Variants in FAM83G observed in about 807,000 individuals in gnomAD.
The protein encoded by FAM83G is protein FAM83G.
In FAM83G, 38 loss-of-function variants were observed where a neutral mutation model predicts 61.5. The ratio of observed to expected loss-of-function variants is 0.62; its 90% CI spans 0.48 to 0.81. The LOEUF is 0.81. Ranked by LOEUF, FAM83G falls within the 30% of genes least tolerant of loss-of-function variation. The pLI is 0.00. For missense variants in FAM83G, 989 were observed against 1,133.6 expected (o/e 0.87, Z 1.83); for synonymous variants, 470 against 476.1 (o/e 0.99, Z 0.17).
rs984259773 is a variant in FAM83G, at chr17:19,000,130, A to G, written c.522+3390T>C. On this transcript the variant is annotated intron_variant, in intron 2 of 5. Transcript: ENST00000388995. This position sits in a 1 kb window ranked among gnomAD's most constrained non-coding sequence, Gnocchi z 5.2. ...CTCTGGTATGTAGTTGGAACCCCAC[A>G]GCAGGTTTTTTCCCAGATAAATCAT... Among the ~76,000 whole-genome samples the G allele has an allele frequency of 6.6e-6, 1 of 152,212 alleles. No individual in the cohort carries two copies. The highest frequency in any genetic ancestry group is 1.5e-5 in the Non-Finnish European group (1 of 68,024).
rs376786995 is a variant in FAM83G, at chr17:18,978,736, C to T, written c.930G>A (p.Val310=). The change falls in exon 5 of 6, where the codon GTG becomes GTA. Residue 310 remains valine (V), a synonymous_variant. Coordinates refer to ENST00000388995, the MANE Select transcript of FAM83G (RefSeq NM_001039999.3). ...TCTCCATAGGGATGCCCTTGAGGCT[C>T]ACACTGTGTGACATGAGGTACAGCT... ...FQELYLMSHS[V]SLKGIPMEKE... The T allele has an allele frequency of 1.2e-6, 2 of 1,612,980 alleles. No individual in the cohort carries two copies. The highest frequency in any genetic ancestry group is 1.7e-6 in the Non-Finnish European group (2 of 1,180,006).
rs1597897286 is a variant in FAM83G at position 19,004,211 on chromosome 17, G to T, written c.-128-42C>A. 3.4e-6 allele frequency: 2 copies of T among 590,638 alleles called. No individual in the cohort carries two copies. Among genetic ancestry groups the T allele is most frequent in the East Asian group, 3.2e-5 (1 of 30,798 alleles). 36.6% of individuals were successfully genotyped at this position (590,638 alleles called of 1,614,324 possible). A position where few individuals can be genotyped will look rare whatever the true frequency, so the allele number is the denominator to read the frequency against. On this transcript the variant is annotated intron_variant, in intron 1 of 5. Transcript: ENST00000388995. This position sits in a 1 kb window ranked among gnomAD's most constrained non-coding sequence, Gnocchi z 5.4. ...ATGAGCCCGGCTCGGCGGGGAGGGC[G>T]GGCCGCGCGGGGAGGGGCGGCGGGG...
chr17:19,003,232 G>A lies in FAM83G; in HGVS notation c.522+288C>T, dbSNP rs2043777278. On this transcript the variant is annotated intron_variant, in intron 2 of 5. Transcript: ENST00000388995. The surrounding 1 kb of genome is among the most constrained non-coding windows in gnomAD (Gnocchi z 4.5). ...TCCCCTCCCCACTCCACCCTATCTCGGTGCCTTCTTCTGGGGAACCAGAAA... is the reference window on the plus strand; with the variant it reads ...TCCCCTCCCCACTCCACCCTATCTCAGTGCCTTCTTCTGGGGAACCAGAAA... 6.6e-6 allele frequency among the ~76,000 whole-genome samples: 1 copy of A among 150,938 alleles called. No homozygotes were observed. The highest frequency in any genetic ancestry group is 1.5e-5 in the Non-Finnish European group (1 of 67,688).
In FAM83G at chr17:19,003,816, G is replaced by C; in HGVS notation, c.226C>G (p.Pro76Ala). The C allele has an allele frequency of 6.2e-7, 1 of 1,612,892 alleles. No individual in the cohort carries two copies. Among genetic ancestry groups the C allele is most frequent in the Admixed American group, 1.7e-5 (1 of 60,022 alleles). The stretch of plus-strand genomic sequence containing the variant: ...GTGCCCCGAGGGTCCTCAGAGCCCG[G>C]GTCGTACACCTCGATGGTCTCCAGG... Reference protein sequence around the residue: ...RILETIEVYDPGSEDPRGTGP... With the variant: ...RILETIEVYDAGSEDPRGTGP... The change falls in exon 2 of 6, where the codon CCG (proline) becomes GCG (alanine). Residue 76 changes from proline (P) to alanine (A), a missense_variant. Physicochemically the swap from Pro to Ala is conservative, Grantham distance 27. This residue lies in a region of FAM83G where 371 missense variants were observed against 404.5 expected (regional missense o/e 0.92). Coordinates refer to ENST00000388995, the MANE Select transcript of FAM83G (RefSeq NM_001039999.3). The surrounding 1 kb of genome is among the most constrained non-coding windows in gnomAD (Gnocchi z 4.5).
chr17:18,991,131 C>T (rs1382829087), intron 2 of FAM83G, among the ~76,000 whole-genome samples: 1 of 152,248 alleles, frequency 6.6e-6, no homozygotes, highest in African/African-American at 2.4e-5. Flanking sequence ...AGGCATTCGC[C>T]ACCTTGCCTA....
chr17:18,979,231 G>T lies in FAM83G; in HGVS notation c.815+318C>A. ...GCAGCGCCCACCCCATGCCCCATGT[G>T]GTGGTGCCCACAGAGCTGGCCCCAT... On this transcript the variant is annotated intron_variant, in intron 4 of 5. Coordinates refer to ENST00000388995, the MANE Select transcript of FAM83G (RefSeq NM_001039999.3). The T allele has an allele frequency of 8.5e-6, 4 of 471,900 alleles. No homozygotes were observed. In the South Asian group the frequency reaches 1.0e-4, roughly 12 times the overall value. 29.2% of individuals were successfully genotyped at this position (471,900 alleles called of 1,614,324 possible). A position where few individuals can be genotyped will look rare whatever the true frequency, so the allele number is the denominator to read the frequency against.
At chr17:18,973,210 A>G (rs548327931) in intron 5 of FAM83G, among the ~76,000 whole-genome samples, 31 of 152,350 alleles carry the variant, frequency 2.0e-4, no homozygotes, top group African/African-American at 6.2e-4. Context: ...CCTCCTCCCA[A>G]TGCAGCATGG....
At chr17:18,982,065 A>C (rs1567793921) in intron 3 of FAM83G, among the ~76,000 whole-genome samples, 1 of 151,984 alleles carries the variant, frequency 6.6e-6, no homozygotes. Context: ...CCCATCCCAA[A>C]CCTTGTCCTG....
Position 18,977,787 on chromosome 17 carries a change from C to T in FAM83G, c.1879G>A (p.Val627Ile). 1 of 1,602,462 alleles carries T rather than the reference C, an allele frequency of 6.2e-7. No homozygotes were observed. The highest frequency in any genetic ancestry group is 8.5e-7 in the Non-Finnish European group (1 of 1,173,936). The part of the protein sequence containing the change: ...EEYFEVREHS[V>I]PLRRRHSEQV... The stretch of plus-strand genomic sequence containing the variant: ...TCTGAGTGGCGCCTCCGGAGAGGGA[C>T]TGAGTGCTCTCTCACCTCGAAGTAC... Residue 627 changes from valine (V) to isoleucine (I), a missense_variant, in exon 5 of 6, where the codon GTC becomes ATC. Around this residue, in one of 3 missense-constraint regions of FAM83G, gnomAD observed 574 missense variants for 645.1 expected, o/e 0.89. Transcript: ENST00000388995.
rs1597895029 is a variant in FAM83G, at chr17:19,003,470, G to T, written c.522+50C>A. The T allele has an allele frequency of 6.7e-7, 1 of 1,498,816 alleles. No individual in the cohort carries two copies. Among genetic ancestry groups the T allele is most frequent in the African/African-American group, 1.4e-5 (1 of 70,990 alleles). The allele number at this position is 1,498,816 out of a possible 1,614,324, so 92.8% of individuals were successfully genotyped here. On this transcript the variant is annotated intron_variant, in intron 2 of 5. Transcript: ENST00000388995. The surrounding 1 kb of genome is among the most constrained non-coding windows in gnomAD (Gnocchi z 4.5). ...TCTGAGTGAGCCTGTATTGAGAGGG[G>T]TCCGGTGGCTGGTTGGGCCATGGCT...
At chr17:18,984,692 C>A (rs1360529896) in intron 3 of FAM83G, among the ~76,000 whole-genome samples, 1 of 152,252 alleles carries the variant, frequency 6.6e-6, no homozygotes, top group Non-Finnish European at 1.5e-5. Context: ...AAGCTGGAAG[C>A]CTCAGGCCCA....
Position 18,969,004 on chromosome 17 carries a change from T to C in FAM83G, c.*2355A>G. Reference sequence around the variant, plus strand: ...CGAGGTCACCCAGGGAGTGGCTTGCTGGAGCCCTGGGAATAACAGTCCCAC... The same window carrying C: ...CGAGGTCACCCAGGGAGTGGCTTGCCGGAGCCCTGGGAATAACAGTCCCAC... On this transcript the variant is annotated 3_prime_UTR_variant, in exon 6 of 6. Transcript: ENST00000388995. 1 of 1,562,862 alleles carries C rather than the reference T, an allele frequency of 6.4e-7. No homozygotes were observed. Among genetic ancestry groups the C allele is most frequent in the African/African-American group, 1.3e-5 (1 of 74,180 alleles).
At position 18,977,889 on chromosome 17, in the gene FAM83G, G is replaced by C; in HGVS notation, c.1777C>G (p.Gln593Glu). ...CCGGAGCTGCCTGAGTGGCTGTCCTGGTCACTGAGGGTTACGTAGTCGTCA... is the reference window on the plus strand; with the variant it reads ...CCGGAGCTGCCTGAGTGGCTGTCCTCGTCACTGAGGGTTACGTAGTCGTCA... ...DDDDYVTLSDQDSHSGSSGRG... is the reference protein window; with the variant it reads ...DDDDYVTLSDEDSHSGSSGRG... Residue 593 changes from glutamine to glutamate, a missense_variant, in exon 5 of 6, where the codon CAG becomes GAG. By Grantham distance (29) the Gln-to-Glu change is conservative (BLOSUM62 2). Around this residue, in one of 3 missense-constraint regions of FAM83G, gnomAD observed 574 missense variants for 645.1 expected, o/e 0.89. Coordinates refer to ENST00000388995, the MANE Select transcript of FAM83G (RefSeq NM_001039999.3). 2 of 1,610,824 alleles carry C rather than the reference G, an allele frequency of 1.2e-6. No homozygotes were observed. The highest frequency in any genetic ancestry group is 1.7e-6 in the Non-Finnish European group (2 of 1,179,790).
chr17:18,991,368 G>C (rs1485351462), intron 2 of FAM83G, among the ~76,000 whole-genome samples: 1 of 152,212 alleles, frequency 6.6e-6, no homozygotes, highest in Admixed American at 6.5e-5. Flanking sequence ...TGGGGGTGTG[G>C]GCCTGGCTTG....
At position 18,977,886 on chromosome 17, in the gene FAM83G, C is replaced by G; in HGVS notation, c.1780G>C (p.Asp594His). 1 of 1,610,966 alleles carries G rather than the reference C, an allele frequency of 6.2e-7. No homozygotes were observed. The highest frequency in any genetic ancestry group is 8.5e-7 in the Non-Finnish European group (1 of 1,179,820). Residue 594 changes from aspartate to histidine, a missense_variant, in exon 5 of 6, where the codon GAC becomes CAC. Asp to His is a moderately conservative substitution (Grantham distance 81). This residue lies in a region of FAM83G where 574 missense variants were observed against 645.1 expected (regional missense o/e 0.89). Transcript: ENST00000388995. ...DDDYVTLSDQ[D>H]SHSGSSGRGP... Reference sequence around the variant, plus strand: ...CGGCCGGAGCTGCCTGAGTGGCTGTCCTGGTCACTGAGGGTTACGTAGTCG... The same window carrying G: ...CGGCCGGAGCTGCCTGAGTGGCTGTGCTGGTCACTGAGGGTTACGTAGTCG...
Position 18,977,839 on chromosome 17 carries a change from G to A in FAM83G, c.1827C>T (p.Pro609=). 1.2e-6 allele frequency: 2 copies of A among 1,610,462 alleles called. No individual in the cohort carries two copies. The highest frequency in any genetic ancestry group is 1.7e-6 in the Non-Finnish European group (2 of 1,179,124). ...SSGRGPGPRR[P]SVASSVSEEY... ...CCTCTGACACAGAGGAAGCCACTGA[G>A]GGCCGTCGGGGGCCAGGGCCACGGC... The change falls in exon 5 of 6, where the codon CCC becomes CCT. Residue 609 remains proline, a synonymous_variant. Coordinates refer to ENST00000388995, the MANE Select transcript of FAM83G (RefSeq NM_001039999.3).
chr17:18,990,450 G>A (rs984675071), intron 2 of FAM83G, among the ~76,000 whole-genome samples: 1 of 152,180 alleles, frequency 6.6e-6, no homozygotes, highest in Non-Finnish European at 1.5e-5. Flanking sequence ...AGCCTCACGT[G>A]CCACCCTGGA....
In FAM83G at chr17:18,971,669, C is replaced by T. The variant is rs375858545; in HGVS notation, c.2162G>A (p.Arg721His). The T allele has an allele frequency of 9.9e-6, 16 of 1,612,636 alleles. No individual in the cohort carries two copies. Among genetic ancestry groups the T allele is most frequent in the African/African-American group, 8.0e-5 (6 of 74,900 alleles). The change falls in exon 6 of 6, where the codon CGC (arginine) becomes CAC (histidine). Residue 721 changes from arginine (R) to histidine (H), a missense_variant. Coordinates refer to ENST00000388995, the MANE Select transcript of FAM83G (RefSeq NM_001039999.3). The surrounding 1 kb of genome is among the most constrained non-coding windows in gnomAD (Gnocchi z 5.5). ...KDGFPGPPRY[R>H]SAADSVQSST... is the part of the protein sequence containing the mutation. ...GCTCTGGACGCTGTCAGCAGCAGAGCGGTACCTAGGGGGTCCTGGGAAGCC... is the reference window on the plus strand; with the variant it reads ...GCTCTGGACGCTGTCAGCAGCAGAGTGGTACCTAGGGGGTCCTGGGAAGCC...
chr17:18,987,279 G>T (rs916382803), intron 3 of FAM83G, among the ~76,000 whole-genome samples: 9 of 152,180 alleles, frequency 5.9e-5, no homozygotes, highest in Admixed American at 3.9e-4. Context: ...GTGACATGGG[G>T]TATGTGGCTC....
Sources: allele counts gnomAD v4.1 joint callset (sites outside exome capture counted in the v4.1 genomes callset), GRCh38; gene constraint gnomAD v4.1.1; regional missense constraint gnomAD v4.1.1; non-coding constraint Gnocchi (gnomAD v3.1); transcripts MANE v1.5; gene names NCBI Gene and HGNC (gene_info 2026-07-23, HGNC 2026-07-21).